Variants in ZCCHC7 observed in about 807,000 individuals in gnomAD.
The protein encoded by ZCCHC7 is zinc finger CCHC-type containing 7.
In ZCCHC7, 35 loss-of-function variants were observed where a neutral mutation model predicts 52.0. The ratio of observed to expected loss-of-function variants is 0.67; its 90% confidence interval spans 0.51 to 0.89. The LOEUF (loss-of-function observed/expected upper bound fraction) is 0.89. ZCCHC7 is among the 40% of genes least tolerant of loss of function. ZCCHC7 has a pLI of 0.00. For synonymous variants in ZCCHC7, 217 were observed against 221.5 expected (o/e 0.98, Z 0.18); for missense variants, 574 against 649.1 (o/e 0.88, Z 1.26).
At chr9:37,323,685 A>G (rs528351361) in intron 5 of ZCCHC7, among the ~76,000 whole-genome samples, 139 of 152,192 alleles carry the variant, frequency 9.1e-4, no homozygotes, top group Non-Finnish European at 1.8e-3. Flanking sequence ...GTATATTTCT[A>G]TGATTTCAGA....
chr9:37,288,173 G>A (rs2634794), intron 2 of ZCCHC7, among the ~76,000 whole-genome samples: 11 of 151,652 alleles, frequency 7.3e-5, no homozygotes, highest in Non-Finnish European at 1.3e-4. Context: ...CCAGCTACTC[G>A]GGAGGCTGAG....
intron 2 of ZCCHC7, among the ~76,000 whole-genome samples, chr9:37,292,694 T>C (rs1168938518): frequency 6.6e-6 from 1 of 152,206 alleles, no homozygotes; most frequent in African/African-American, 2.4e-5. Flanking sequence ...TGGTTGCCTC[T>C]TGGGAATGGG....
intron 5 of ZCCHC7, 87 bp downstream of exon 5, chr9:37,305,801 C>A: frequency 1.4e-6 from 2 of 1,390,900 alleles, no homozygotes; most frequent in South Asian, 1.3e-5. Context: ...AACTATCAGT[C>A]AGCATACCTA....
chr9:37,203,451 T>G (rs1274744834), intron 2 of ZCCHC7, among the ~76,000 whole-genome samples: 1 of 152,192 alleles, frequency 6.6e-6, no homozygotes, highest in African/African-American at 2.4e-5. Flanking sequence ...CTGTTTGTCC[T>G]GATGCTCTCT....
At chr9:37,327,970 G>A (rs1369274641) in intron 6 of ZCCHC7, 136 bp downstream of exon 6, 7 of 887,240 alleles carry the variant, frequency 7.9e-6, no homozygotes, top group African/African-American at 1.7e-5. Context: ...TACGGAGAAA[G>A]CAATAATACA....
Position 37,357,410 on chromosome 9 carries a change from T to C in ZCCHC7, c.*142T>C. On this transcript the variant is annotated 3_prime_UTR_variant, in exon 9 of 9. Coordinates refer to ENST00000336755, the MANE Select transcript of ZCCHC7 (RefSeq NM_032226.3). Reference sequence around the variant, plus strand: ...TTTTAATTTCAGCCATTCCTAGAGTTACTGAATATCCATGGAGATCTCAAT... The same window carrying C: ...TTTTAATTTCAGCCATTCCTAGAGTCACTGAATATCCATGGAGATCTCAAT... 2 of 700,998 alleles carry C rather than the reference T, an allele frequency of 2.9e-6. No individual in the cohort carries two copies. Among genetic ancestry groups the C allele is most frequent in the Non-Finnish European group, 4.4e-6 (2 of 453,156 alleles). The allele number at this position is 700,998 out of a possible 1,614,324, so 43.4% of individuals were successfully genotyped here.
rs545579777 is a variant in ZCCHC7, at chr9:37,171,780, T to C, written c.610+44838T>C. 1.6e-4 allele frequency among the ~76,000 whole-genome samples: 25 copies of C among 152,306 alleles called. No individual in the cohort carries two copies. In the South Asian group the frequency reaches 5.2e-3, roughly 32 times the overall value. On this transcript the variant is annotated intron_variant, in intron 2 of 8. Transcript: ENST00000336755. ...TTAGAGGACCTTGAGTTCTACAAACTAGTTACTAATAAAATTCCAAGACCT... is the reference window on the plus strand; with the variant it reads ...TTAGAGGACCTTGAGTTCTACAAACCAGTTACTAATAAAATTCCAAGACCT...
At chr9:37,147,435 T>C (rs907649088) in intron 2 of ZCCHC7, 2 of 151,898 alleles carry the variant, frequency 1.3e-5, no homozygotes, top group African/African-American at 2.4e-5. Flanking sequence ...TTGGCTGATG[T>C]AGAGCTATAG....
At chr9:37,265,309 A>G (rs1477109741) in intron 2 of ZCCHC7, among the ~76,000 whole-genome samples, 2 of 152,192 alleles carry the variant, frequency 1.3e-5, no homozygotes, top group South Asian at 2.1e-4. Flanking sequence ...ACAGGATGAA[A>G]GGTATTCTTT....
intron 2 of ZCCHC7, among the ~76,000 whole-genome samples, chr9:37,131,337 CAAAAAAAAAAAGA>C (rs1233594143): frequency 3.6e-5 from 4 of 112,574 alleles, no homozygotes; most frequent in African/African-American, 1.3e-4. Context: ...GAGACTCTGT[CAAAAAAAAAAAGA>C]AAAAAAAAAT....
intron 5 of ZCCHC7, chr9:37,327,211 T>G (rs1830280727): frequency 6.6e-6 from 1 of 152,130 alleles, no homozygotes; most frequent in Non-Finnish European, 1.5e-5. Context: ...TTTAAAGTTG[T>G]TTTTGCTACA....
rs778365434 is a variant in ZCCHC7, at chr9:37,140,668, C to T, written c.610+13726C>T. ...TTATTATCAGATCTAACAGAAGAAA[C>T]GTAAGTGTTGTACCACAGGTCATCT... On this transcript the variant is annotated intron_variant, in intron 2 of 8. Transcript: ENST00000336755. 2.6e-5 allele frequency among the ~76,000 whole-genome samples: 4 copies of T among 151,936 alleles called. 2 individuals are homozygous for T. The Middle Eastern group carries it at 0.014, about 517-fold the overall frequency.
chr9:37,279,552 T>C (rs1827849882), intron 2 of ZCCHC7, among the ~76,000 whole-genome samples: 1 of 152,066 alleles, frequency 6.6e-6, no homozygotes, highest in South Asian at 2.1e-4. Flanking sequence ...AAGATCTAAA[T>C]GTGGACATAT....
chr9:37,161,342 A>G (rs1248400209), intron 2 of ZCCHC7, among the ~76,000 whole-genome samples: 2 of 152,156 alleles, frequency 1.3e-5, no homozygotes, highest in Non-Finnish European at 2.9e-5. Flanking sequence ...TGGGAGGTCA[A>G]GGCGGGCAGA....
chr9:37,164,199 T>C (rs1306473564), intron 2 of ZCCHC7, among the ~76,000 whole-genome samples: 2 of 152,132 alleles, frequency 1.3e-5, no homozygotes, highest in Admixed American at 6.6e-5. Flanking sequence ...CCCAACACTT[T>C]GGGAGGCCGA....
chr9:37,214,122 A>G (rs1824382269), intron 2 of ZCCHC7, among the ~76,000 whole-genome samples: 1 of 152,022 alleles, frequency 6.6e-6, no homozygotes, highest in South Asian at 2.1e-4. Flanking sequence ...GACATCTGAA[A>G]TCTTAATTTG....
At chr9:37,193,226 ATAACTT>A (rs746705588) in intron 2 of ZCCHC7, among the ~76,000 whole-genome samples, 1 of 152,216 alleles carries the variant, frequency 6.6e-6, no homozygotes, top group Admixed American at 6.5e-5. Flanking sequence ...AAAAAAATCA[ATAACTT>A]TAACATTTTA....
intron 2 of ZCCHC7, among the ~76,000 whole-genome samples, chr9:37,278,190 G>T (rs35107611): frequency 2.0e-5 from 3 of 152,064 alleles, no homozygotes; most frequent in African/African-American, 7.2e-5. Flanking sequence ...CTGCCAAGTA[G>T]CTCGGACTGT....
intron 2 of ZCCHC7, among the ~76,000 whole-genome samples, chr9:37,288,557 T>C (rs1828376585): frequency 6.6e-6 from 1 of 152,130 alleles, no homozygotes. Flanking sequence ...TTACTGCCCC[T>C]GAATTCTCTC....
Sources: allele counts gnomAD v4.1 joint callset (sites outside exome capture counted in the v4.1 genomes callset), GRCh38; gene constraint gnomAD v4.1.1; transcripts MANE v1.5; gene names NCBI Gene and HGNC (gene_info 2026-07-23, HGNC 2026-07-21).